The following NOTCH3 variants were observed in gnomAD, a reference collection of about 807,000 sequenced individuals.
The protein encoded by NOTCH3 is neurogenic locus notch homolog protein 3.
In NOTCH3, 86 loss-of-function variants were observed where a neutral mutation model predicts 213.3. The observed-to-expected ratio is 0.40, with a 90% confidence interval of 0.34 to 0.48. NOTCH3 has a LOEUF of 0.48. Among genes scored for constraint, NOTCH3 ranks in the 20% least tolerant of loss-of-function variants. The pLI, the probability that NOTCH3 is intolerant of heterozygous loss-of-function variation, is 0.57. For synonymous variants in NOTCH3, 1,354 were observed against 1,355.9 expected, an observed-to-expected ratio of 1.00 and a Z score of 0.03; for missense variants, 2,783 against 3,272.6, an observed-to-expected ratio of 0.85 and a Z score of 3.65.
chr19:15,186,719 G>A (rs961284594), intron 12 of NOTCH3, among the ~76,000 whole-genome samples, 159 bp downstream of exon 12: 5 of 152,100 alleles, frequency 3.3e-5, no homozygotes, highest in Admixed American at 6.6e-5. Context: ...GAATAATCTC[G>A]AAACAACCTT....
chr19:15,186,483 C>G (rs1021624449), intron 12 of NOTCH3, among the ~76,000 whole-genome samples: 15 of 151,814 alleles, frequency 9.9e-5, no homozygotes, highest in Non-Finnish European at 2.1e-4. Context: ...TGGCTCACTG[C>G]CGCCTCCGCC....
At chr19:15,179,749 G>A (rs2046823682) in intron 20 of NOTCH3, 1 of 591,674 alleles carries the variant, frequency 1.7e-6, no homozygotes, top group Non-Finnish European at 3.0e-6. Context: ...GGGCGTGGTG[G>A]TGGGTGCCTG....
At chr19:15,195,995 T>C (rs1874157498) in intron 2 of NOTCH3, among the ~76,000 whole-genome samples, 1 of 139,070 alleles carries the variant, frequency 7.2e-6, no homozygotes, top group Non-Finnish European at 1.6e-5. Flanking sequence ...TATGGAAACG[T>C]CTGCTGCCGG....
rs530563937 is a variant in NOTCH3 at position 15,160,761 on chromosome 19, G to A, written c.6867C>T (p.Ala2289=). 8.1e-6 allele frequency: 13 copies of A among 1,614,152 alleles called. No homozygotes were observed. Among genetic ancestry groups the A allele is most frequent in the East Asian group, 6.7e-5 (3 of 44,860 alleles). Residue 2289 remains alanine, a synonymous_variant, in exon 33 of 33, where the codon GCC becomes GCT. Coordinates refer to ENST00000263388, the MANE Select transcript of NOTCH3 (RefSeq NM_000435.3). ...TGGGAACAGACAAGGGAAGTGGCTG[G>A]GCAGGCAGTGCCCCAGTGGTGGTGG... ...AMATTTGALP[A]QPLPLSVPSS...
intron 1 of NOTCH3, 62 bp downstream of exon 1, chr19:15,200,726 T>C: frequency 8.6e-7 from 1 of 1,168,064 alleles, no homozygotes; most frequent in Non-Finnish European, 1.1e-6. Context: ...GCCCCGGCCT[T>C]GGGGGTTCTT....
chr19:15,163,379 A>G (rs976367236), intron 31 of NOTCH3, among the ~76,000 whole-genome samples: 2 of 152,246 alleles, frequency 1.3e-5, no homozygotes, highest in African/African-American at 2.4e-5. Context: ...TGGATCAGAA[A>G]CCTAAATATA....
chr19:15,166,695 G>A (rs747483783), intron 29 of NOTCH3, among the ~76,000 whole-genome samples: 9 of 152,118 alleles, frequency 5.9e-5, no homozygotes, highest in Admixed American at 2.6e-4. Flanking sequence ...AACATAGTCC[G>A]CTACACTGCA....
chr19:15,161,744 G>A lies in NOTCH3; in HGVS notation c.5914-30C>T, dbSNP rs375563426. The A allele has an allele frequency of 9.4e-4, 1,512 of 1,602,602 alleles. 1 individual carries two copies. Among genetic ancestry groups the A allele is most frequent in the Non-Finnish European group, 1.1e-3 (1,330 of 1,172,176 alleles). ...GGGGCCAGAACCCACAGAGGTCAGC[G>A]AAACCCCAGCTAACAGTAGCAAAGT... On this transcript the variant is annotated intron_variant, in intron 32 of 32. Transcript: ENST00000263388.
chr19:15,177,902 G>A lies in NOTCH3; in HGVS notation c.4026C>T (p.Ala1342=). ...PGASNASCAA[A]PCLHGGSCRP... Reference sequence around the variant, plus strand: ...GGCAGGAGCCCCCGTGGAGACAGGGGGCGGCCGCGCAGCTGGCGTTGCTGG... The same window carrying A: ...GGCAGGAGCCCCCGTGGAGACAGGGAGCGGCCGCGCAGCTGGCGTTGCTGG... Residue 1342 remains alanine, a synonymous_variant, in exon 24 of 33, where the codon GCC becomes GCT. Coordinates refer to ENST00000263388, the MANE Select transcript of NOTCH3 (RefSeq NM_000435.3). The A allele has an allele frequency of 7.9e-7, 1 of 1,269,336 alleles. No homozygotes were observed. The highest frequency in any genetic ancestry group is 9.9e-7 in the Non-Finnish European group (1 of 1,011,260). The allele number at this position is 1,269,336 out of a possible 1,614,324, so 78.6% of individuals were successfully genotyped here.
chr19:15,160,936 G>T lies in NOTCH3; in HGVS notation c.6692C>A (p.Pro2231Gln). 2 of 1,599,082 alleles carry T rather than the reference G, an allele frequency of 1.3e-6. No individual in the cohort carries two copies. The highest frequency in any genetic ancestry group is 2.2e-5 in the South Asian group (2 of 90,068). ...YPAAGAHSSP[P>Q]KARFLRVPSE... is the part of the protein sequence containing the mutation. Reference sequence around the variant, plus strand: ...GGGAACCCGCAGGAAGCGGGCCTTTGGGGGGCTGCTGTGTGCCCCAGCCGC... The same window carrying T: ...GGGAACCCGCAGGAAGCGGGCCTTTTGGGGGCTGCTGTGTGCCCCAGCCGC... The change falls in exon 33 of 33, where the codon CCA (proline) becomes CAA (glutamine). Residue 2231 changes from proline to glutamine, a missense_variant. Coordinates refer to ENST00000263388, the MANE Select transcript of NOTCH3 (RefSeq NM_000435.3).
chr19:15,183,186 C>T (rs1190831234), intron 16 of NOTCH3, among the ~76,000 whole-genome samples: 2 of 151,940 alleles, frequency 1.3e-5, no homozygotes, highest in East Asian at 1.9e-4. Context: ...CCCAGGAGTT[C>T]GAGACTGCAC....
At position 15,180,100 on chromosome 19, in the gene NOTCH3, C is replaced by G; in HGVS notation, c.3299G>C (p.Arg1100Pro). Residue 1100 changes from arginine to proline, a missense_variant, in exon 20 of 33, where the codon CGT becomes CCT. Coordinates refer to ENST00000263388, the MANE Select transcript of NOTCH3 (RefSeq NM_000435.3). Reference sequence around the variant, plus strand: ...ACACATGTAGCCCCCCATATAGCCACGGCAGGTCCCCCCATGCTGGCAGGG... The same window carrying G: ...ACACATGTAGCCCCCCATATAGCCAGGGCAGGTCCCCCCATGCTGGCAGGG... ...AQPCQHGGTC[R>P]GYMGGYMCEC... 1 of 1,611,930 alleles carries G rather than the reference C, an allele frequency of 6.2e-7. No homozygotes were observed. Among genetic ancestry groups the G allele is most frequent in the Non-Finnish European group, 8.5e-7 (1 of 1,179,396 alleles).
chr19:15,196,981 A>G (rs1434890644), intron 2 of NOTCH3, among the ~76,000 whole-genome samples: 1 of 152,156 alleles, frequency 6.6e-6, no homozygotes, highest in Non-Finnish European at 1.5e-5. Flanking sequence ...CCTATTTCAC[A>G]GGTGCAATGA....
At chr19:15,173,421 CAAA>C (rs71168587) in intron 25 of NOTCH3, among the ~76,000 whole-genome samples, 147 of 68,788 alleles carry the variant, frequency 2.1e-3, no homozygotes, top group African/African-American at 6.6e-3. Context: ...GACTCCGTCT[CAAA>C]AAAAAAAAAA....
rs2145421428 is a variant in NOTCH3, at chr19:15,180,684, T to C, written c.3139A>G (p.Ile1047Val). The C allele has an allele frequency of 6.4e-7, 1 of 1,553,108 alleles. No individual in the cohort carries two copies. The highest frequency in any genetic ancestry group is 8.7e-7 in the Non-Finnish European group (1 of 1,150,430). Residue 1047 changes from isoleucine to valine, a missense_variant, in exon 19 of 33, where the codon ATC becomes GTC. This residue lies in a region of NOTCH3 where 861 missense variants were observed against 909.1 expected (regional missense o/e 0.95). Transcript: ENST00000263388. ...SLPCREAAAQ[I>V]GVRLEQLCQA... ...CCGCCCACATGCTCCCACTCACCGA[T>C]CTGGGCTGCGGCCTCCCTGCAGGGC...
chr19:15,195,236 G>A lies in NOTCH3; in HGVS notation c.197+2264C>T, dbSNP rs78626262. Among the ~76,000 whole-genome samples, 123 of 152,238 alleles carry A rather than the reference G, an allele frequency of 8.1e-4. No homozygotes were observed. The East Asian group carries it at 0.022, about 27-fold the overall frequency. ...CCTCTTATGCAGGGATGGGAGGGTG[G>A]AGGGTTGGGGTACTGACACCACTGT... On this transcript the variant is annotated intron_variant, in intron 2 of 32. Coordinates refer to ENST00000263388, the MANE Select transcript of NOTCH3 (RefSeq NM_000435.3).
rs2046716055 is a variant in NOTCH3, at chr19:15,169,843, G to A, written c.5199+243C>T. Among the ~76,000 whole-genome samples the A allele has an allele frequency of 2.6e-5, 4 of 152,318 alleles. No homozygotes were observed. In the East Asian group the frequency reaches 5.8e-4, roughly 22 times the overall value. ...CCTGGCTGGGGAGGGGCAGGATGGA[G>A]GGGAGGATTTTCCACCTGCCCGGAG... On this transcript the variant is annotated intron_variant, in intron 28 of 32. Coordinates refer to ENST00000263388, the MANE Select transcript of NOTCH3 (RefSeq NM_000435.3).
At chr19:15,191,024 C>T (rs1217809430) in intron 6 of NOTCH3, among the ~76,000 whole-genome samples, 1 of 151,440 alleles carries the variant, frequency 6.6e-6, no homozygotes, top group Non-Finnish European at 1.5e-5. Flanking sequence ...CCCGGCCTAG[C>T]ATAATCTTTT....
chr19:15,192,264 G>A lies in NOTCH3; in HGVS notation c.375C>T (p.Ser125=), dbSNP rs1289089215. ...AGCGGGCACCGTGGGCACAAGGGCT[G>A]CTGAGGCAGGGATCTGGCAGGGAGC... ...PDCSLPDPCL[S]SPCAHGARCS... The change falls in exon 4 of 33, where the codon AGC becomes AGT. Residue 125 remains serine, a synonymous_variant. Coordinates refer to ENST00000263388, the MANE Select transcript of NOTCH3 (RefSeq NM_000435.3). 1.9e-6 allele frequency: 3 copies of A among 1,601,118 alleles called. No homozygotes were observed. Among genetic ancestry groups the A allele is most frequent in the African/African-American group, 2.7e-5 (2 of 74,642 alleles).
Sources: allele counts gnomAD v4.1 joint callset (sites outside exome capture counted in the v4.1 genomes callset), GRCh38; gene constraint gnomAD v4.1.1; regional missense constraint gnomAD v4.1.1; transcripts MANE v1.5; gene names NCBI Gene and HGNC (gene_info 2026-07-23, HGNC 2026-07-21).